The following SIDT1 variants were observed in gnomAD, a reference collection of about 807,000 sequenced individuals.
The protein encoded by SIDT1 is SID1 transmembrane family, member 1.
SIDT1 carries 101 observed loss-of-function variants against 107.5 expected under a neutral mutation model. The ratio of observed to expected loss-of-function variants is 0.94; its 90% CI spans 0.80 to 1.11. The LOEUF is 1.11. SIDT1 is among the 50% of genes least tolerant of loss of function. The pLI is 0.00. For synonymous variants in SIDT1, 395 were observed against 398.2 expected (o/e 0.99, Z 0.10); for missense variants, 1,076 against 1,058.2 (o/e 1.02, Z -0.23).
At chr3:113,577,403 G>A (rs1385135370) in intron 4 of SIDT1, among the ~76,000 whole-genome samples, 6 of 152,112 alleles carry the variant, frequency 3.9e-5, no homozygotes, top group Non-Finnish European at 8.8e-5. Context: ...ATAATTAATT[G>A]ACCTGGAAAT....
At chr3:113,630,526 G>A (rs186910362), downstream of SIDT1, among the ~76,000 whole-genome samples, 227 of 152,198 alleles carry the variant, frequency 1.5e-3, 1 homozygote, top group Middle Eastern at 0.01. Context: ...GGTTCTGTGG[G>A]GTCACAACAT....
chr3:113,609,058 C>CTTTTTTT lies in SIDT1; in HGVS notation c.1720+540_1720+546dup, dbSNP rs11453487. On this transcript the variant is annotated intron_variant, in intron 17 of 24. Coordinates refer to ENST00000264852, the MANE Select transcript of SIDT1 (RefSeq NM_017699.3). ...TAGCTTATACAGTCATGAGCCCATT[C>CTTTTTTT]TTTTTTTTTTTTTTTTTTTTTTTTG... 2.0e-3 allele frequency among the ~76,000 whole-genome samples: 173 copies of CTTTTTTT among 86,680 alleles called. 7 individuals are homozygous for CTTTTTTT. Among genetic ancestry groups the CTTTTTTT allele is most frequent in the African/African-American group, 6.8e-3 (159 of 23,218 alleles). The allele number at this position is 86,680 out of a possible 152,430, so 56.9% of individuals were successfully genotyped here.
At chr3:113,591,592 G>A (rs965661107) in intron 9 of SIDT1, among the ~76,000 whole-genome samples, 1 of 152,254 alleles carries the variant, frequency 6.6e-6, no homozygotes, top group Non-Finnish European at 1.5e-5. Flanking sequence ...ACATATGGGA[G>A]GCTGAGGCAG....
chr3:113,567,443 G>T, intron 2 of SIDT1, 97 bp from the exon 3 acceptor site: 2 of 1,007,414 alleles, frequency 2.0e-6, no homozygotes, highest in Non-Finnish European at 1.5e-6. Flanking sequence ...AAATGAATTT[G>T]GAGAGAAGCA....
At chr3:113,535,412 T>C (rs560556877) in intron 1 of SIDT1, among the ~76,000 whole-genome samples, 1 of 152,232 alleles carries the variant, frequency 6.6e-6, no homozygotes, top group African/African-American at 2.4e-5. Context: ...AATTCAATAG[T>C]TTGGAAAATG....
chr3:113,549,572 G>A (rs1939980854), intron 1 of SIDT1, among the ~76,000 whole-genome samples: 1 of 152,114 alleles, frequency 6.6e-6, no homozygotes, highest in Non-Finnish European at 1.5e-5. Context: ...CTGGTAAGAT[G>A]TCTGTTTATT....
At chr3:113,588,136 A>T (rs898917909) in intron 9 of SIDT1, among the ~76,000 whole-genome samples, 14 of 152,232 alleles carry the variant, frequency 9.2e-5, no homozygotes, top group Admixed American at 6.5e-4. Context: ...ATCGCTCTAA[A>T]GTTGTTATTT....
intron 10 of SIDT1, among the ~76,000 whole-genome samples, chr3:113,599,365 T>C (rs1944795883): frequency 6.6e-6 from 1 of 152,226 alleles, no homozygotes; most frequent in Non-Finnish European, 1.5e-5. Context: ...TTTTTTAAAA[T>C]GTGAGTTTAT....
intron 20 of SIDT1, among the ~76,000 whole-genome samples, chr3:113,617,856 A>C (rs1333491753): frequency 6.6e-6 from 1 of 152,172 alleles, no homozygotes; most frequent in Non-Finnish European, 1.5e-5. Flanking sequence ...CCCCACATGC[A>C]CAGCCTCCCC....
chr3:113,550,937 C>T (rs2107654506), intron 1 of SIDT1, among the ~76,000 whole-genome samples: 1 of 152,224 alleles, frequency 6.6e-6, no homozygotes, highest in East Asian at 1.9e-4. Flanking sequence ...CCAGCAGGCC[C>T]CAATGTGTGT....
chr3:113,614,863 G>A (rs893440556), intron 19 of SIDT1, among the ~76,000 whole-genome samples: 2 of 152,166 alleles, frequency 1.3e-5, no homozygotes, highest in African/African-American at 4.8e-5. Flanking sequence ...TTGAGGATTT[G>A]AAGACTTCTG....
At chr3:113,624,619 A>G (rs775009755) in intron 23 of SIDT1, among the ~76,000 whole-genome samples, 22 of 152,284 alleles carry the variant, frequency 1.4e-4, no homozygotes, top group Middle Eastern at 6.8e-3. Context: ...TACCATCGTT[A>G]CCATTTTAAA....
chr3:113,610,845 G>A (rs1442466541), intron 17 of SIDT1, among the ~76,000 whole-genome samples, 163 bp from the exon 18 acceptor site: 1 of 152,168 alleles, frequency 6.6e-6, no homozygotes, highest in African/African-American at 2.4e-5. Flanking sequence ...TAGAGAATGT[G>A]CCAAGAGGCT....
intron 4 of SIDT1, among the ~76,000 whole-genome samples, chr3:113,578,317 A>C (rs2107490090): frequency 6.6e-6 from 1 of 151,958 alleles, no homozygotes; most frequent in East Asian, 1.9e-4. Context: ...AATACAAAAA[A>C]TTACCCGGGC....
chr3:113,584,110 C>T (rs1165933680), intron 7 of SIDT1, among the ~76,000 whole-genome samples: 2 of 152,146 alleles, frequency 1.3e-5, no homozygotes, highest in African/African-American at 4.8e-5. Context: ...GACCACTAGC[C>T]AGTGATTAAT....
At chr3:113,591,778 T>C (rs555762208) in intron 9 of SIDT1, among the ~76,000 whole-genome samples, 1 of 152,220 alleles carries the variant, frequency 6.6e-6, no homozygotes, top group Non-Finnish European at 1.5e-5. Flanking sequence ...TGCTCAACAA[T>C]TCCACTCCTA....
At chr3:113,616,426 C>G (rs1946110716) in intron 20 of SIDT1, among the ~76,000 whole-genome samples, 1 of 152,026 alleles carries the variant, frequency 6.6e-6, no homozygotes, top group Non-Finnish European at 1.5e-5. Context: ...ATACATCTAC[C>G]CAACTGTTAA....
At chr3:113,587,673 A>G (rs913833658) in intron 9 of SIDT1, among the ~76,000 whole-genome samples, 7 of 152,212 alleles carry the variant, frequency 4.6e-5, no homozygotes, top group Non-Finnish European at 1.0e-4. Flanking sequence ...ATGCCCCTCA[A>G]CAGTGGGTAC....
Position 113,532,991 on chromosome 3 carries a change from T to C in SIDT1, c.-31T>C. The C allele has an allele frequency of 7.5e-7, 1 of 1,328,150 alleles. No homozygotes were observed. Among genetic ancestry groups the C allele is most frequent in the Non-Finnish European group, 9.6e-7 (1 of 1,040,672 alleles). 82.3% of individuals were successfully genotyped at this position (1,328,150 alleles called of 1,614,324 possible). ...GCGCTCGCCCCCTCCCCAGGGTGGC[T>C]CCGCTTTCGAGCCCGGGCGCGGTGC... On this transcript the variant is annotated 5_prime_UTR_variant, in exon 1 of 25. Coordinates refer to ENST00000264852, the MANE Select transcript of SIDT1 (RefSeq NM_017699.3).
Sources: allele counts gnomAD v4.1 joint callset (sites outside exome capture counted in the v4.1 genomes callset), GRCh38; gene constraint gnomAD v4.1.1; transcripts MANE v1.5; gene names NCBI Gene and HGNC (gene_info 2026-07-23, HGNC 2026-07-21).